Variants in MYOCOS observed in about 807,000 individuals in gnomAD.
MYOCOS encodes myocilin opposite strand.
upstream of MYOCOS, among the ~76,000 whole-genome samples, chr1:171,621,129 C>T (rs1480089266): frequency 6.6e-6 from 1 of 152,026 alleles, no homozygotes; most frequent in East Asian, 1.9e-4. Context: ...ATGTATAAAA[C>T]CAAGCTGCAC....
At chr1:171,611,261 A>G (rs895508309) in intron 1 of MYOCOS, among the ~76,000 whole-genome samples, 1 of 152,214 alleles carries the variant, frequency 6.6e-6, no homozygotes, top group Non-Finnish European at 1.5e-5. Context: ...ACATAGGGAT[A>G]AATTCAGGGA....
chr1:171,603,773 C>T (rs1652189128), intron 1 of MYOCOS, among the ~76,000 whole-genome samples: 1 of 152,270 alleles, frequency 6.6e-6, no homozygotes, highest in African/African-American at 2.4e-5. Context: ...TGGCCTATCT[C>T]TCAAAACAAC....
intron 1 of MYOCOS, among the ~76,000 whole-genome samples, chr1:171,608,974 T>C (rs235899): frequency 0.15 from 23,160 of 152,054 alleles, 1,848 homozygotes; most frequent in Middle Eastern, 0.29. Context: ...TCTGGAAATA[T>C]CTCCTCCAGA....
At chr1:171,623,689 T>TG in intron 1 of MYOCOS, among the ~76,000 whole-genome samples, 152 bp from the exon 2 acceptor site, 2 of 152,128 alleles carry the variant, frequency 1.3e-5, no homozygotes, top group Non-Finnish European at 2.9e-5. Context: ...CTCTTGACCT[T>TG]GGGGGGAAGG....
At chr1:171,620,089 C>A (rs1652529844), upstream of MYOCOS, among the ~76,000 whole-genome samples, 1 of 145,656 alleles carries the variant, frequency 6.9e-6, no homozygotes, top group African/African-American at 2.5e-5. Flanking sequence ...ATATATATAA[C>A]CTATATATAA....
At chr1:171,620,996 C>G (rs554901477), upstream of MYOCOS, among the ~76,000 whole-genome samples, 1 of 152,130 alleles carries the variant, frequency 6.6e-6, no homozygotes, top group South Asian at 2.1e-4. Context: ...TCTCGATCTC[C>G]TGACCTCGTG....
intron 1 of MYOCOS, 76 bp from the exon 2 acceptor site, chr1:171,623,765 G>A: frequency 2.5e-6 from 1 of 397,098 alleles, no homozygotes; most frequent in Non-Finnish European, 4.4e-6. Context: ...TCTGCAAACT[G>A]CGCCATTCTG....
intron 1 of MYOCOS, among the ~76,000 whole-genome samples, chr1:171,606,417 AAAC>A (rs1418139420): frequency 1.6e-4 from 24 of 152,022 alleles, no homozygotes; most frequent in Non-Finnish European, 5.9e-5. Flanking sequence ...AAAAAAGAAA[AAAC>A]AACAAGGAAG....
intron 1 of MYOCOS, among the ~76,000 whole-genome samples, chr1:171,603,197 C>A (rs1652176983): frequency 6.6e-6 from 1 of 152,176 alleles, no homozygotes; most frequent in South Asian, 2.1e-4. Flanking sequence ...AGGGAGGAGA[C>A]TTATTAGCAT....
intron 1 of MYOCOS, among the ~76,000 whole-genome samples, chr1:171,606,698 G>T (rs558241154): frequency 6.6e-6 from 1 of 152,306 alleles, no homozygotes; most frequent in African/African-American, 2.4e-5. Flanking sequence ...CCTTAAAAAG[G>T]ACAGAAATTG....
At chr1:171,623,191 T>C (rs1407256049) in intron 1 of MYOCOS, among the ~76,000 whole-genome samples, 1 of 151,626 alleles carries the variant, frequency 6.6e-6, no homozygotes, top group Non-Finnish European at 1.5e-5. Flanking sequence ...AGCCAGACCC[T>C]GTTTCAAAAA....
intron 1 of MYOCOS, among the ~76,000 whole-genome samples, chr1:171,603,828 G>A (rs549817691): frequency 2.2e-4 from 33 of 152,226 alleles, no homozygotes; most frequent in Non-Finnish European, 4.3e-4. Context: ...AATGGCCCTG[G>A]TAGCAACAGC....
At chr1:171,623,819 C>T (rs929812731) in intron 1 of MYOCOS, 22 bp from the exon 2 acceptor site, 1 of 398,386 alleles carries the variant, frequency 2.5e-6, no homozygotes, top group Non-Finnish European at 4.4e-6. Flanking sequence ...TGTGTGCCAG[C>T]TCTTGTGTTT....
At chr1:171,610,143 A>G (rs184453221) in intron 1 of MYOCOS, among the ~76,000 whole-genome samples, 65 of 152,356 alleles carry the variant, frequency 4.3e-4, no homozygotes, top group African/African-American at 1.5e-3. Flanking sequence ...CACTTCTACC[A>G]TATTCTGTTT....
chr1:171,619,762 G>A (rs111374678), upstream of MYOCOS, among the ~76,000 whole-genome samples: 25 of 151,396 alleles, frequency 1.7e-4, no homozygotes, highest in Admixed American at 1.3e-4. Context: ...TTTGAACCCG[G>A]GAGGTGGAGA....
intron 1 of MYOCOS, among the ~76,000 whole-genome samples, chr1:171,610,733 A>G (rs997748838): frequency 2.0e-5 from 3 of 152,196 alleles, no homozygotes; most frequent in African/African-American, 7.2e-5. Context: ...CAATGCATGA[A>G]TTCTGTGGGG....
At chr1:171,616,245 C>A (rs541621245) in intron 2 of MYOCOS, among the ~76,000 whole-genome samples, 34 of 142,492 alleles carry the variant, frequency 2.4e-4, no homozygotes, top group Admixed American at 4.8e-4. Context: ...AACAAACAAA[C>A]AAAAAAACAA....
In MYOCOS at chr1:171,623,980, TACCCAAA is replaced by T. The variant is rs1312270384; in HGVS notation, c.95+4_95+10del. On this transcript the variant is annotated splice_donor_5th_base_variant and intron_variant, in intron 2 of 2. Coordinates refer to ENST00000637642, the MANE Select transcript of MYOCOS (RefSeq NM_001391940.1). ...GCGCCGAGTCACCATGATCACAAGG[TACCCAAA>T]ATCTTTCCTCTGGATCGCTTGTGGG... 5.0e-6 allele frequency: 2 copies of T among 398,580 alleles called. No individual in the cohort carries two copies. Among genetic ancestry groups the T allele is most frequent in the Admixed American group, 4.4e-5 (1 of 22,730 alleles). 24.7% of individuals were successfully genotyped at this position (398,580 alleles called of 1,614,324 possible).
Position 171,626,849 on chromosome 1 carries a change from T to C in MYOCOS, c.*248T>C. 1 of 317,100 alleles carries C rather than the reference T, an allele frequency of 3.2e-6. No homozygotes were observed. 19.6% of individuals were successfully genotyped at this position (317,100 alleles called of 1,614,324 possible). ...TTATGTTATGCTATAGAACTGTTGCTGTAGTCAGTTGTATTTAAATTAATA... is the reference window on the plus strand; with the variant it reads ...TTATGTTATGCTATAGAACTGTTGCCGTAGTCAGTTGTATTTAAATTAATA... On this transcript the variant is annotated 3_prime_UTR_variant, in exon 3 of 3. Coordinates refer to ENST00000637642, the MANE Select transcript of MYOCOS (RefSeq NM_001391940.1).
Sources: gnomAD v4.1 joint callset for allele counts (sites outside exome capture counted in the v4.1 genomes callset) on GRCh38, gnomAD v4.1.1 for gene constraint, MANE v1.5 for transcripts, NCBI Gene and HGNC (gene_info 2026-07-23, HGNC 2026-07-21) for gene names.